KCNH1: variants seen among roughly 807,000 people sequenced by gnomAD.
KCNH1 encodes potassium voltage-gated channel subfamily H member 1.
A neutral mutation model predicts 69.2 loss-of-function variants in KCNH1; 27 were observed. The ratio of observed to expected loss-of-function variants is 0.39; its 90% CI spans 0.29 to 0.54. The LOEUF is 0.54. Ranked by LOEUF, KCNH1 falls within the 20% of genes least tolerant of loss-of-function variation. KCNH1 has a pLI of 0.68. For missense variants in KCNH1, 798 were observed against 1,261.6 expected, an observed-to-expected ratio of 0.63 and a Z score of 5.57; for synonymous variants, 456 against 487.7, an observed-to-expected ratio of 0.93 and a Z score of 0.86.
At chr1:210,885,813 C>A (rs991987628) in intron 7 of KCNH1, among the ~76,000 whole-genome samples, 25 of 152,220 alleles carry the variant, frequency 1.6e-4, no homozygotes, top group African/African-American at 6.0e-4. Context: ...CAAAGTGCCA[C>A]AAAGCCAATG....
intron 5 of KCNH1, among the ~76,000 whole-genome samples, chr1:211,037,523 C>T (rs1689920314): frequency 7.6e-6 from 1 of 131,496 alleles, no homozygotes; most frequent in African/African-American, 2.9e-5. Flanking sequence ...TTACTGTACA[C>T]AGACTCTTGA....
intron 6 of KCNH1, among the ~76,000 whole-genome samples, chr1:211,014,033 C>T (rs1346852422): frequency 6.6e-6 from 1 of 152,160 alleles, no homozygotes; most frequent in South Asian, 2.1e-4. Flanking sequence ...TCAGCTGCAT[C>T]ACTGGCACTA....
At position 210,774,254 on chromosome 1, in the gene KCNH1, G is replaced by A. The variant is rs564930406; in HGVS notation, c.2112+1094C>T. Among the ~76,000 whole-genome samples the A allele has an allele frequency of 5.9e-5, 9 of 152,298 alleles. No individual in the cohort carries two copies. The South Asian group carries it at 1.0e-3, about 18-fold the overall frequency. Reference sequence around the variant, plus strand: ...GAAGCACTCCACTGAGGGCAGACACGAGGCAGGAAGGTGAGTTTGGAGCCC... The same window carrying A: ...GAAGCACTCCACTGAGGGCAGACACAAGGCAGGAAGGTGAGTTTGGAGCCC... On this transcript the variant is annotated intron_variant, in intron 10 of 10. Transcript: ENST00000271751.
At chr1:210,827,631 A>G (rs1239574911) in intron 7 of KCNH1, among the ~76,000 whole-genome samples, 1 of 152,160 alleles carries the variant, frequency 6.6e-6, no homozygotes, top group Non-Finnish European at 1.5e-5. Context: ...GATCATTCCC[A>G]TTTGCTTGAG....
intron 1 of KCNH1, among the ~76,000 whole-genome samples, chr1:211,111,596 C>T (rs1571655463): frequency 6.7e-6 from 1 of 148,574 alleles, no homozygotes; most frequent in South Asian, 2.2e-4. Context: ...AGCCACCTCA[C>T]TGTCTGGGAA....
At chr1:210,749,163 C>T (rs1417049129) in intron 10 of KCNH1, among the ~76,000 whole-genome samples, 2 of 152,130 alleles carry the variant, frequency 1.3e-5, no homozygotes, top group African/African-American at 4.8e-5. Flanking sequence ...GTCCACCCAG[C>T]CCCTCAAAAA....
chr1:211,003,666 A>G (rs1176917188), intron 6 of KCNH1, among the ~76,000 whole-genome samples: 1 of 152,210 alleles, frequency 6.6e-6, no homozygotes, highest in Non-Finnish European at 1.5e-5. Flanking sequence ...GAGGAGGAGA[A>G]AGGAAGAAAG....
intron 5 of KCNH1, among the ~76,000 whole-genome samples, chr1:211,053,555 A>C (rs1252089912): frequency 1.3e-5 from 2 of 152,230 alleles, no homozygotes; most frequent in African/African-American, 4.8e-5. Context: ...CTCATCATCT[A>C]TCTAGAACTT....
At chr1:210,839,893 A>G (rs1275200605) in intron 7 of KCNH1, among the ~76,000 whole-genome samples, 2 of 152,216 alleles carry the variant, frequency 1.3e-5, no homozygotes, top group African/African-American at 4.8e-5. Context: ...GGACAAATGA[A>G]GAATCACCTG....
At chr1:211,026,927 AC>A (rs1320280231) in intron 5 of KCNH1, among the ~76,000 whole-genome samples, 3 of 152,126 alleles carry the variant, frequency 2.0e-5, no homozygotes, top group African/African-American at 7.2e-5. Context: ...CTGTATGTTT[AC>A]CCCAACCTGG....
intron 5 of KCNH1, among the ~76,000 whole-genome samples, chr1:211,071,421 C>T (rs535647245): frequency 1.3e-5 from 2 of 152,126 alleles, no homozygotes; most frequent in South Asian, 4.1e-4. Context: ...AAGAACTGTT[C>T]AGGATGAGAG....
At position 211,111,478 on chromosome 1, in the gene KCNH1, G is replaced by A. The variant is rs558253802; in HGVS notation, c.80-4101C>T. 1.6e-3 allele frequency among the ~76,000 whole-genome samples: 231 copies of A among 144,050 alleles called. 1 individual carries two copies. Among genetic ancestry groups the A allele is most frequent in the Middle Eastern group, 9.1e-3 (2 of 220 alleles). The allele number at this position is 144,050 out of a possible 152,430, so 94.5% of individuals were successfully genotyped here. On this transcript the variant is annotated intron_variant, in intron 1 of 10. Coordinates refer to ENST00000271751, the MANE Select transcript of KCNH1 (RefSeq NM_172362.3). ...GAGCCCCTCTGCCCGGCCGCCCATC[G>A]TCTGGGAAGTGAGAACGGCCTCTCC...
At chr1:210,831,628 C>T (rs139997054) in intron 7 of KCNH1, among the ~76,000 whole-genome samples, 82 of 152,298 alleles carry the variant, frequency 5.4e-4, no homozygotes, top group African/African-American at 1.9e-3. Context: ...TCTCCTCATA[C>T]TTCCTCCTAC....
chr1:211,018,686 G>A, intron 6 of KCNH1, 97 bp downstream of exon 6: 2 of 952,758 alleles, frequency 2.1e-6, no homozygotes, highest in Non-Finnish European at 3.2e-6. Flanking sequence ...CATCAGTCAT[G>A]CTATTTCCCA....
intron 9 of KCNH1, among the ~76,000 whole-genome samples, chr1:210,781,858 T>C (rs1777255): frequency 0.61 from 92,911 of 152,140 alleles, 28,860 homozygotes; most frequent in African/African-American, 0.66. Context: ...GCTGCAAGCC[T>C]AGGTTCAACC....
chr1:210,885,821 A>G (rs919350921), intron 7 of KCNH1, among the ~76,000 whole-genome samples: 9 of 152,304 alleles, frequency 5.9e-5, no homozygotes, highest in Non-Finnish European at 1.0e-4. Context: ...CACAAAGCCA[A>G]TGTAGCCAGA....
intron 10 of KCNH1, among the ~76,000 whole-genome samples, chr1:210,726,824 A>G (rs1366942137): frequency 1.3e-5 from 2 of 149,664 alleles, no homozygotes; most frequent in Non-Finnish European, 3.0e-5. Context: ...GGTGGGGTGG[A>G]CTACTCTCCT....
intron 6 of KCNH1, among the ~76,000 whole-genome samples, chr1:211,009,605 CTT>C (rs60367224): frequency 0.023 from 3,406 of 148,420 alleles, 60 homozygotes; most frequent in Non-Finnish European, 0.037. Context: ...ATTTTCTTTT[CTT>C]TTTTTTTTTC....
intron 5 of KCNH1, among the ~76,000 whole-genome samples, chr1:211,049,595 C>G (rs4486506): frequency 0.37 from 55,871 of 151,890 alleles, 10,825 homozygotes; most frequent in South Asian, 0.45. Flanking sequence ...CAGGTAAGAA[C>G]TTTTAAGTAA....
Sources: allele counts gnomAD v4.1 joint callset (sites outside exome capture counted in the v4.1 genomes callset), GRCh38; gene constraint gnomAD v4.1.1; transcripts MANE v1.5; gene names NCBI Gene and HGNC (gene_info 2026-07-23, HGNC 2026-07-21).